Variants in ERBB4 observed in about 807,000 individuals in gnomAD.
ERBB4 encodes receptor tyrosine-protein kinase erbB-4.
In ERBB4, 42 loss-of-function variants were observed where a neutral mutation model predicts 158.0. The observed-to-expected ratio is 0.27, with a 90% CI of 0.21 to 0.34. The LOEUF (loss-of-function observed/expected upper bound fraction) is 0.34. ERBB4 is among the 10% of genes least tolerant of loss of function. The pLI is 1.00. For synonymous variants in ERBB4, 583 were observed against 558.7 expected, an observed-to-expected ratio of 1.04 and a Z score of -0.61; for missense variants, 1,333 against 1,624.1, an observed-to-expected ratio of 0.82 and a Z score of 3.08.
intron 3 of ERBB4, among the ~76,000 whole-genome samples, chr2:211,812,631 A>G (rs1452525738): frequency 6.6e-6 from 1 of 152,230 alleles, no homozygotes; most frequent in Non-Finnish European, 1.5e-5. Flanking sequence ...TTGTCCAGCT[A>G]TGCCCTGCCC....
chr2:212,250,171 C>T (rs955226102), intron 1 of ERBB4, among the ~76,000 whole-genome samples: 1 of 151,932 alleles, frequency 6.6e-6, no homozygotes, highest in African/African-American at 2.4e-5. Context: ...GCTGTAATGT[C>T]TCTAAGCTTT....
chr2:211,556,729 T>G (rs1159764165), intron 20 of ERBB4, among the ~76,000 whole-genome samples: 1 of 151,930 alleles, frequency 6.6e-6, no homozygotes, highest in Non-Finnish European at 1.5e-5. Flanking sequence ...CAAGAAAGTA[T>G]TGACATTCTT....
chr2:211,699,027 T>C (rs995775537), intron 12 of ERBB4, among the ~76,000 whole-genome samples: 1 of 152,192 alleles, frequency 6.6e-6, no homozygotes, highest in African/African-American at 2.4e-5. Context: ...ATGAGTTAAC[T>C]TTTTAAAAAA....
At chr2:212,447,937 G>T (rs1179904023) in intron 1 of ERBB4, among the ~76,000 whole-genome samples, 5 of 152,038 alleles carry the variant, frequency 3.3e-5, no homozygotes, top group African/African-American at 1.2e-4. Flanking sequence ...TTCAAAAATT[G>T]TCATTATATG....
chr2:212,080,333 T>C (rs2078399345), intron 2 of ERBB4, among the ~76,000 whole-genome samples: 1 of 149,058 alleles, frequency 6.7e-6, no homozygotes, highest in South Asian at 2.1e-4. Flanking sequence ...AGAATAAAAA[T>C]AAAAATTAAA....
rs143926990 is a variant in ERBB4 at position 212,176,945 on chromosome 2, T to C, written c.83-52042A>G. 4.9e-3 allele frequency among the ~76,000 whole-genome samples: 748 copies of C among 152,020 alleles called. 7 individuals are homozygous for C. The highest frequency in any genetic ancestry group is 0.017 in the African/African-American group (722 of 41,498). On this transcript the variant is annotated intron_variant, in intron 1 of 27. Coordinates refer to ENST00000342788, the MANE Select transcript of ERBB4 (RefSeq NM_005235.3). ...GAAGATCTTTGAGATAAGCATATTCTTAAACTAAAATAATTCTTTTTTCTT... is the reference window on the plus strand; with the variant it reads ...GAAGATCTTTGAGATAAGCATATTCCTAAACTAAAATAATTCTTTTTTCTT...
At chr2:212,450,250 G>A (rs536189593) in intron 1 of ERBB4, among the ~76,000 whole-genome samples, 1 of 152,150 alleles carries the variant, frequency 6.6e-6, no homozygotes, top group East Asian at 1.9e-4. Context: ...CTCCAAAATG[G>A]GCACACCTCA....
chr2:212,032,665 C>T (rs73988949), intron 2 of ERBB4, among the ~76,000 whole-genome samples: 4,114 of 151,770 alleles, frequency 0.027, 185 homozygotes, highest in African/African-American at 0.09. Flanking sequence ...ATAAAATATA[C>T]ATAGGAAATA....
intron 2 of ERBB4, among the ~76,000 whole-genome samples, chr2:211,980,787 T>C (rs1404692619): frequency 1.3e-5 from 2 of 152,206 alleles, no homozygotes; most frequent in Non-Finnish European, 2.9e-5. Flanking sequence ...TACTAGCTCA[T>C]GTCTCAGGAC....
chr2:211,610,164 CAT>C (rs955110990), intron 19 of ERBB4, among the ~76,000 whole-genome samples: 7 of 151,716 alleles, frequency 4.6e-5, no homozygotes, highest in South Asian at 2.1e-4. Context: ...TGTAAAGATA[CAT>C]ATGTCTTTTT....
chr2:212,512,544 T>C (rs1691584138), intron 1 of ERBB4, among the ~76,000 whole-genome samples: 1 of 152,146 alleles, frequency 6.6e-6, no homozygotes, highest in African/African-American at 2.4e-5. Flanking sequence ...CCTCATTTCT[T>C]GCCTTCTCAC....
chr2:212,396,021 T>TGTGC (rs2091015568), intron 1 of ERBB4, among the ~76,000 whole-genome samples: 1 of 152,148 alleles, frequency 6.6e-6, no homozygotes, highest in Non-Finnish European at 1.5e-5. Context: ...TGTGTGTTAA[T>TGTGC]TATAACTGAT....
At chr2:212,052,206 G>T (rs1191888967) in intron 2 of ERBB4, among the ~76,000 whole-genome samples, 3 of 152,184 alleles carry the variant, frequency 2.0e-5, no homozygotes, top group Non-Finnish European at 2.9e-5. Flanking sequence ...CTCCCATGCT[G>T]GTTGTTTCCT....
chr2:212,502,135 C>G (rs1690927557), intron 1 of ERBB4, among the ~76,000 whole-genome samples: 1 of 152,030 alleles, frequency 6.6e-6, no homozygotes, highest in Admixed American at 6.6e-5. Context: ...CATTAAAGTA[C>G]AGAGCACATT....
intron 1 of ERBB4, among the ~76,000 whole-genome samples, chr2:212,458,574 C>T (rs1271148755): frequency 6.6e-6 from 1 of 151,870 alleles, no homozygotes; most frequent in East Asian, 1.9e-4. Context: ...GGACTTGATT[C>T]TCTGGGCAGT....
chr2:211,639,574 T>A (rs1161886672), intron 16 of ERBB4, among the ~76,000 whole-genome samples: 1 of 152,222 alleles, frequency 6.6e-6, no homozygotes, highest in Non-Finnish European at 1.5e-5. Flanking sequence ...CACTATAATT[T>A]CAGATAATTA....
chr2:212,205,219 G>A (rs2082710999), intron 1 of ERBB4, among the ~76,000 whole-genome samples: 1 of 152,042 alleles, frequency 6.6e-6, no homozygotes, highest in African/African-American at 2.4e-5. Flanking sequence ...GGAGTGCAGT[G>A]GCACGATCTC....
At chr2:211,510,336 T>C (rs1010330095) in intron 20 of ERBB4, among the ~76,000 whole-genome samples, 1 of 152,002 alleles carries the variant, frequency 6.6e-6, no homozygotes, top group Non-Finnish European at 1.5e-5. Context: ...GAGGAGGGTA[T>C]GGATTTTAAA....
intron 21 of ERBB4, among the ~76,000 whole-genome samples, chr2:211,429,084 A>G (rs998768440): frequency 6.6e-6 from 1 of 152,130 alleles, no homozygotes; most frequent in Non-Finnish European, 1.5e-5. Flanking sequence ...ATAACTTTCT[A>G]TAGTTCTTAA....
Sources: allele counts gnomAD v4.1 joint callset (sites outside exome capture counted in the v4.1 genomes callset), GRCh38; gene constraint gnomAD v4.1.1; transcripts MANE v1.5; gene names NCBI Gene and HGNC (gene_info 2026-07-23, HGNC 2026-07-21).